SLC19A1: variants seen among roughly 807,000 people sequenced by gnomAD.
SLC19A1 encodes solute carrier family 19 member 1.
SLC19A1 carries 37 observed loss-of-function variants against 35.3 expected under a neutral mutation model. The ratio of observed to expected loss-of-function variants is 1.05; its 90% CI spans 0.81 to 1.38. SLC19A1 has a LOEUF of 1.38. Ranked by LOEUF, SLC19A1 falls within the 40% of genes most tolerant of loss-of-function variation. SLC19A1 has a pLI of 0.00. For synonymous variants in SLC19A1, 460 were observed against 398.5 expected (o/e 1.15, Z -1.84); for missense variants, 831 against 826.9 (o/e 1.00, Z -0.06).
downstream of SLC19A1, chr21:45,511,111 G>T (rs1448198345): frequency 1.9e-6 from 3 of 1,544,746 alleles, no homozygotes; most frequent in African/African-American, 4.2e-5. Flanking sequence ...TCTCTTCCAG[G>T]ACGAGCTGCT....
chr21:45,516,096 G>C lies in SLC19A1; in HGVS notation c.1338C>G (p.Tyr446Ter), dbSNP rs755033905. 6.2e-7 allele frequency: 1 copy of C among 1,605,324 alleles called. No homozygotes were observed. Among genetic ancestry groups the C allele is most frequent in the South Asian group, 1.1e-5 (1 of 89,498 alleles). Residue 446 changes from tyrosine (Y) to a stop codon, truncating the protein, a stop_gained, in exon 6 of 6, where the codon TAC (tyrosine) becomes TAG (stop). Transcript: ENST00000311124. LOFTEE classifies it low-confidence loss of function (END_TRUNC). Reference protein sequence around the residue: ...SVYFLILSIIYFLGAMLDGLR... With the variant: ...SVYFLILSII ...GGCCATCCAGCATGGCCCCCAAGAA[G>C]TAGATGATGGACAGGATCAGGAAGT...
downstream of SLC19A1, chr21:45,512,319 T>C: frequency 6.2e-7 from 1 of 1,612,546 alleles, no homozygotes; most frequent in Non-Finnish European, 8.5e-7. Flanking sequence ...GGCAGGCTCC[T>C]GGGGCAGAGT....
At chr21:45,511,262 C>A, downstream of SLC19A1, 1 of 1,227,848 alleles carries the variant, frequency 8.1e-7, no homozygotes, top group Non-Finnish European at 1.2e-6. Context: ...GCTCTGAGAG[C>A]CCCAGCCAGG....
At chr21:45,505,384 C>G in intron 3 of SLC19A1, 1 of 1,559,756 alleles carries the variant, frequency 6.4e-7, no homozygotes, top group Non-Finnish European at 8.8e-7. Context: ...CCCTCCGGGC[C>G]CCCCTGGGCC....
downstream of SLC19A1, among the ~76,000 whole-genome samples, chr21:45,508,684 A>C (rs1479578645): frequency 6.6e-6 from 1 of 152,146 alleles, no homozygotes; most frequent in East Asian, 1.9e-4. Flanking sequence ...CTGTCTCCTC[A>C]CAGGGTTCAG....
chr21:45,509,924 G>C, downstream of SLC19A1: 1 of 981,752 alleles, frequency 1.0e-6, no homozygotes, highest in Non-Finnish European at 1.5e-6. Flanking sequence ...GGGCCCCTCA[G>C]TGTGTCACTT....
intron 3 of SLC19A1, among the ~76,000 whole-genome samples, chr21:45,503,648 AG>A (rs1399435227): frequency 3.6e-4 from 20 of 56,322 alleles, no homozygotes; most frequent in East Asian, 6.3e-4. Context: ...GGGTGGGGGG[AG>A]GGGGGAGGGA....
chr21:45,526,035 C>T, intron 4 of SLC19A1, 77 bp from the exon 5 acceptor site: 1 of 1,524,540 alleles, frequency 6.6e-7, no homozygotes, highest in Non-Finnish European at 8.9e-7. Flanking sequence ...TGCAGCCCGG[C>T]TCCCACCAGC....
At chr21:45,536,744 G>A (rs868578712) in intron 2 of SLC19A1, among the ~76,000 whole-genome samples, 2 of 152,194 alleles carry the variant, frequency 1.3e-5, no homozygotes, top group African/African-American at 2.4e-5. Flanking sequence ...GAGGCATGCC[G>A]AGCGTCAGCC....
intron 1 of SLC19A1, among the ~76,000 whole-genome samples, chr21:45,541,586 G>C (rs1416255286): frequency 6.6e-6 from 1 of 152,256 alleles, no homozygotes; most frequent in African/African-American, 2.4e-5. Flanking sequence ...TCCTGCTGTA[G>C]CGGTGTTGGA....
intron 1 of SLC19A1, among the ~76,000 whole-genome samples, chr21:45,556,266 C>T (rs2078560984): frequency 6.6e-6 from 1 of 152,214 alleles, no homozygotes; most frequent in African/African-American, 2.4e-5. Flanking sequence ...GTCAGCGTCT[C>T]TACCTCCACC....
chr21:45,534,571 T>C lies in SLC19A1; in HGVS notation c.190-2423A>G. ...GAATGGAGCATGCCTCATTTCCTCT[T>C]CCACCAGGAGCTGGCTCTGCAGGCT... On this transcript the variant is annotated intron_variant, in intron 2 of 5. Transcript: ENST00000311124. This position sits in a 1 kb window ranked among gnomAD's most constrained non-coding sequence, Gnocchi z 4.2. The C allele has an allele frequency of 6.5e-7, 1 of 1,535,710 alleles. No individual in the cohort carries two copies. The highest frequency in any genetic ancestry group is 8.7e-7 in the Non-Finnish European group (1 of 1,146,878).
At chr21:45,506,033 A>G (rs1186339152) in intron 3 of SLC19A1, 1 of 1,610,008 alleles carries the variant, frequency 6.2e-7, no homozygotes, top group African/African-American at 1.3e-5. Context: ...GGGCTTAAGG[A>G]AGGCGAGAGG....
In SLC19A1 at chr21:45,537,821, A is replaced by C; in HGVS notation, c.139T>G (p.Phe47Val). Reference protein sequence around the residue: ...FMAQIRPGESFITPYLLGPDK... With the variant: ...FMAQIRPGESVITPYLLGPDK... ...GGCCCCAGGAGGTAGGGGGTGATGA[A>C]GCTCTCCCCTGGCCGTATCTGCGCC... is the stretch of plus-strand genomic sequence containing the variant. Residue 47 changes from phenylalanine to valine, a missense_variant, in exon 2 of 6, where the codon TTC (phenylalanine) becomes GTC (valine). Transcript: ENST00000311124. 1 of 1,587,384 alleles carries C rather than the reference A, an allele frequency of 6.3e-7. No individual in the cohort carries two copies. The highest frequency in any genetic ancestry group is 1.1e-5 in the South Asian group (1 of 89,406).
At chr21:45,527,870 G>A (rs1336800492) in intron 4 of SLC19A1, among the ~76,000 whole-genome samples, 1 of 151,608 alleles carries the variant, frequency 6.6e-6, no homozygotes, top group African/African-American at 2.4e-5. Context: ...GAGGTGACAC[G>A]CCAGGCTTCT....
intron 5 of SLC19A1, among the ~76,000 whole-genome samples, chr21:45,524,848 A>C (rs1473957115): frequency 5.4e-5 from 8 of 148,782 alleles, no homozygotes; most frequent in Non-Finnish European, 1.2e-4. Context: ...TCGGAGGCTC[A>C]CCCACCCTAA....
chr21:45,503,651 G>C (rs1196414607), intron 3 of SLC19A1, among the ~76,000 whole-genome samples: 1 of 112,556 alleles, frequency 8.9e-6, no homozygotes, highest in Non-Finnish European at 1.8e-5. Context: ...TGGGGGGAGG[G>C]GGGAGGGATA....
intron 3 of SLC19A1, chr21:45,505,047 G>T (rs2037108457): frequency 6.5e-7 from 1 of 1,527,108 alleles, no homozygotes; most frequent in Admixed American, 1.9e-5. Context: ...CGCCAAGGGG[G>T]TCTTGGCAGC....
rs370551769 is a variant in SLC19A1, at chr21:45,505,993, G to C, written c.498-7381C>G. The C allele has an allele frequency of 3.2e-5, 51 of 1,612,790 alleles. No individual in the cohort carries two copies. In the African/African-American group the frequency reaches 6.0e-4, roughly 19 times the overall value. On this transcript the variant is annotated intron_variant, in intron 3 of 4. Coordinates refer to the SLC19A1 transcript ENST00000417954. The stretch of plus-strand genomic sequence containing the variant: ...TGAGCGCTCTGTGTGACGGGTTCTG[G>C]ACCCGTGGAAGGGCCGAAGCCGCCT...
Sources: gnomAD v4.1 joint callset for allele counts (sites outside exome capture counted in the v4.1 genomes callset) on GRCh38, gnomAD v4.1.1 for gene constraint, Gnocchi (gnomAD v3.1) non-coding constraint, MANE v1.5 for transcripts, NCBI Gene and HGNC (gene_info 2026-07-23, HGNC 2026-07-21) for gene names.